Variants in ASPH observed in about 807,000 individuals in gnomAD.
ASPH encodes the protein aspartyl/asparaginyl beta-hydroxylase.
A neutral mutation model predicts 118.4 loss-of-function variants in ASPH; 100 were observed. The observed-to-expected ratio is 0.84, with a 90% CI of 0.72 to 1.00. ASPH has a LOEUF of 1.00. Ranked by LOEUF, ASPH falls within the 50% of genes least tolerant of loss-of-function variation. The pLI is 0.00. For missense variants in ASPH, 920 were observed against 919.5 expected, an observed-to-expected ratio of 1.00 and a Z score of -0.01; for synonymous variants, 315 against 325.6, an observed-to-expected ratio of 0.97 and a Z score of 0.35.
At chr8:61,568,538 A>G (rs1353756901) in intron 16 of ASPH, among the ~76,000 whole-genome samples, 3 of 152,190 alleles carry the variant, frequency 2.0e-5, no homozygotes, top group African/African-American at 7.2e-5. Context: ...TAAAATGTCT[A>G]TAAGATATCC....
At chr8:61,546,277 T>A (rs1472633598) in intron 21 of ASPH, among the ~76,000 whole-genome samples, 1 of 152,204 alleles carries the variant, frequency 6.6e-6, no homozygotes, top group African/African-American at 2.4e-5. Flanking sequence ...GCTATGTCAA[T>A]CAGTAACATT....
intron 13 of ASPH, chr8:61,631,613 G>A (rs865889478): frequency 1.3e-5 from 2 of 152,144 alleles, no homozygotes; most frequent in African/African-American, 4.8e-5. Context: ...CACACTCTCA[G>A]TCTGTAGCCT....
chr8:61,585,861 T>C (rs539302689), intron 14 of ASPH, among the ~76,000 whole-genome samples: 2 of 152,326 alleles, frequency 1.3e-5, no homozygotes, highest in East Asian at 3.9e-4. Flanking sequence ...TAAGCCAAGC[T>C]GGCACTAAAC....
chr8:61,712,451 C>T (rs920024029), intron 1 of ASPH, among the ~76,000 whole-genome samples: 1 of 152,196 alleles, frequency 6.6e-6, no homozygotes, highest in African/African-American at 2.4e-5. Context: ...ATAAAGAATA[C>T]TCATTACGTC....
In ASPH at chr8:61,618,323, A is replaced by T. The variant is rs142077502; in HGVS notation, c.976+655T>A. ...TTGTAATAATATTCAATTATTAAAGATCATATCATTCAACTGATACTAAAA... is the reference window on the plus strand; with the variant it reads ...TTGTAATAATATTCAATTATTAAAGTTCATATCATTCAACTGATACTAAAA... On this transcript the variant is annotated intron_variant, in intron 14 of 24. Coordinates refer to ENST00000379454, the MANE Select transcript of ASPH (RefSeq NM_004318.4). Among the ~76,000 whole-genome samples the T allele has an allele frequency of 1.5e-4, 23 of 152,292 alleles. No homozygotes were observed. The East Asian group carries it at 4.2e-3, about 28-fold the overall frequency.
chr8:61,638,710 A>C (rs1859042162), intron 10 of ASPH, among the ~76,000 whole-genome samples: 1 of 152,194 alleles, frequency 6.6e-6, no homozygotes, highest in Non-Finnish European at 1.5e-5. Flanking sequence ...TTTGTTTAGG[A>C]AACAATTCTC....
In ASPH at chr8:61,714,440, C is replaced by T. The variant is rs1373622583; in HGVS notation, c.-69G>A. 4.4e-6 allele frequency: 6 copies of T among 1,364,612 alleles called. No individual in the cohort carries two copies. Among genetic ancestry groups the T allele is most frequent in the Non-Finnish European group, 5.7e-6 (6 of 1,057,894 alleles). 84.5% of individuals were successfully genotyped at this position (1,364,612 alleles called of 1,614,324 possible). Reference sequence around the variant, plus strand: ...AGTGCGCGGGGGTACACACGCGACGCGGGAACCGCTGGCGGCGGCGGGCCG... The same window carrying T: ...AGTGCGCGGGGGTACACACGCGACGTGGGAACCGCTGGCGGCGGCGGGCCG... On this transcript the variant is annotated 5_prime_UTR_variant, in exon 1 of 25. Coordinates refer to ENST00000379454, the MANE Select transcript of ASPH (RefSeq NM_004318.4).
chr8:61,658,340 A>G (rs563101063), intron 3 of ASPH: 48 of 152,358 alleles, frequency 3.2e-4, no homozygotes, highest in African/African-American at 1.2e-3. Flanking sequence ...GACATAAATT[A>G]CAAAAGAATT....
intron 21 of ASPH, among the ~76,000 whole-genome samples, chr8:61,533,621 G>GT (rs919845653): frequency 1.3e-5 from 2 of 152,252 alleles, no homozygotes; most frequent in East Asian, 1.9e-4. Flanking sequence ...CAGTTTGTTT[G>GT]TTTTTTAATT....
At chr8:61,548,510 C>T (rs1006292074) in intron 20 of ASPH, among the ~76,000 whole-genome samples, 5 of 152,232 alleles carry the variant, frequency 3.3e-5, no homozygotes, top group South Asian at 2.1e-4. Flanking sequence ...AGCAGGGAGT[C>T]GAGCACTTAT....
intron 15 of ASPH, among the ~76,000 whole-genome samples, chr8:61,582,427 A>G (rs1447246595): frequency 1.3e-5 from 2 of 152,250 alleles, no homozygotes; most frequent in Non-Finnish European, 2.9e-5. Flanking sequence ...AGGTGGCAGA[A>G]AAAGATTATT....
At chr8:61,540,733 C>T (rs1821548637) in intron 21 of ASPH, among the ~76,000 whole-genome samples, 1 of 152,054 alleles carries the variant, frequency 6.6e-6, no homozygotes, top group African/African-American at 2.4e-5. Flanking sequence ...AGCACTGTCC[C>T]CTGCCTTCAG....
chr8:61,576,623 T>A lies in ASPH; in HGVS notation c.1149+149A>T, dbSNP rs181797941. The A allele has an allele frequency of 4.7e-5, 28 of 600,080 alleles. No homozygotes were observed. The African/African-American group carries it at 5.2e-4, about 11-fold the overall frequency. The allele number at this position is 600,080 out of a possible 1,614,324, so 37.2% of individuals were successfully genotyped here. ...TACTAAATTCAGCAGCATGCAATAG[T>A]GATAATTGTATTTCTTGCTTATGCA... On this transcript the variant is annotated intron_variant, in intron 16 of 24. Coordinates refer to ENST00000379454, the MANE Select transcript of ASPH (RefSeq NM_004318.4).
At position 61,714,338 on chromosome 8, in the gene ASPH, T is replaced by A; in HGVS notation, c.34A>T (p.Asn12Tyr). ...CTGCCGGAGCCGCTGCTGCTGCTGT[T>A]GCCGCTGCTCTTGGCATTCTTACGC... is the stretch of plus-strand genomic sequence containing the variant. ...AQRKNAKSSG[N>Y]SSSSGSGSGS... Residue 12 changes from asparagine (N) to tyrosine (Y), a missense_variant, in exon 1 of 25, where the codon AAC becomes TAC. Transcript: ENST00000379454. The A allele has an allele frequency of 6.6e-7, 1 of 1,518,488 alleles. No homozygotes were observed. Among genetic ancestry groups the A allele is most frequent in the Non-Finnish European group, 8.8e-7 (1 of 1,133,776 alleles). The allele number at this position is 1,518,488 out of a possible 1,614,324, so 94.1% of individuals were successfully genotyped here.
chr8:61,548,197 C>A lies in ASPH; in HGVS notation c.1638G>T (p.Trp546Cys). The change falls in exon 21 of 25, where the codon TGG becomes TGT. Residue 546 changes from tryptophan (W) to cysteine (C), a missense_variant. Coordinates refer to ENST00000379454, the MANE Select transcript of ASPH (RefSeq NM_004318.4). ...GTCCTCTCTTGTGCCCAAGCTCATA[C>A]CACTTATATGCCTGAAGGAACAGAA... ...QRVGNKEAYK[W>C]YELGHKRGHF... The A allele has an allele frequency of 6.2e-7, 1 of 1,613,434 alleles. No individual in the cohort carries two copies. Among genetic ancestry groups the A allele is most frequent in the East Asian group, 2.2e-5 (1 of 44,860 alleles).
intron 3 of ASPH, chr8:61,660,437 T>A (rs1250286698): frequency 6.6e-6 from 1 of 152,204 alleles, no homozygotes; most frequent in Non-Finnish European, 1.5e-5. Context: ...AGTTTAAAAG[T>A]GGGCACTCAC....
At chr8:61,562,935 T>C (rs774432948) in intron 17 of ASPH, 55 bp from the exon 18 acceptor site, 149 of 1,485,434 alleles carry the variant, frequency 1.0e-4, no homozygotes, top group Non-Finnish European at 1.3e-4. Flanking sequence ...ATGTACACTT[T>C]TGTATTGAGA....
chr8:61,642,906 G>C lies in ASPH; in HGVS notation c.772C>G (p.Gln258Glu), dbSNP rs200715677. The change falls in exon 10 of 25, where the codon CAA (glutamine) becomes GAA (glutamate). Residue 258 changes from glutamine to glutamate, a missense_variant. Physicochemically the swap from Gln to Glu is conservative, Grantham distance 29 (BLOSUM62 2). Coordinates refer to ENST00000379454, the MANE Select transcript of ASPH (RefSeq NM_004318.4). ...TGCAAACCTTGTTCCTCATAGACTT[G>C]GTATGTTACATCATCTGAAAAAAAA... Reference protein sequence around the residue: ...LHHDTDDVTYQVYEEQAVYEP... With the variant: ...LHHDTDDVTYEVYEEQAVYEP... 20 of 1,547,210 alleles carry C rather than the reference G, an allele frequency of 1.3e-5. No individual in the cohort carries two copies. In the East Asian group the frequency reaches 3.7e-4, roughly 29 times the overall value.
chr8:61,623,062 G>A (rs1172545259), intron 13 of ASPH, among the ~76,000 whole-genome samples: 4 of 152,088 alleles, frequency 2.6e-5, no homozygotes, highest in African/African-American at 4.8e-5. Context: ...ATCCACTCAC[G>A]ATGAAATTAA....
Sources: allele counts gnomAD v4.1 joint callset (sites outside exome capture counted in the v4.1 genomes callset), GRCh38; gene constraint gnomAD v4.1.1; transcripts MANE v1.5; gene names NCBI Gene and HGNC (gene_info 2026-07-23, HGNC 2026-07-21).